HTR1F: variants seen among roughly 807,000 people sequenced by gnomAD.
HTR1F encodes 5-hydroxytryptamine receptor 1F, also known as 5-hydroxytryptamine (serotonin) receptor 1F, G protein-coupled.
Under a neutral mutation model 24.0 loss-of-function variants are expected in HTR1F, and 17 were observed. The observed-to-expected ratio is 0.71, with a 90% CI of 0.48 to 1.06. The LOEUF (loss-of-function observed/expected upper bound fraction) is 1.06, where lower values mean the gene tolerates loss of function less well. HTR1F is among the 50% of genes least tolerant of loss of function. The pLI, the probability that HTR1F is intolerant of heterozygous loss-of-function variation, is 0.00. For synonymous variants in HTR1F, 186 were observed against 156.8 expected, an observed-to-expected ratio of 1.19 and a Z score of -1.39; for missense variants, 391 against 427.8, an observed-to-expected ratio of 0.91 and a Z score of 0.76.
At chr3:87,964,876 G>A (rs1257011230) in intron 2 of HTR1F, among the ~76,000 whole-genome samples, 2 of 152,118 alleles carry the variant, frequency 1.3e-5, no homozygotes, top group African/African-American at 2.4e-5. Flanking sequence ...CTTGTAGGAG[G>A]CAATTGAATC....
intron 2 of HTR1F, among the ~76,000 whole-genome samples, chr3:87,938,315 C>G (rs1360629764): frequency 6.6e-6 from 1 of 152,148 alleles, no homozygotes; most frequent in African/African-American, 2.4e-5. Context: ...AAAAACATTC[C>G]ACGCTCATGG....
intron 2 of HTR1F, among the ~76,000 whole-genome samples, chr3:87,882,017 AAAAC>A (rs779085181): frequency 1.1e-4 from 17 of 152,220 alleles, no homozygotes; most frequent in East Asian, 3.8e-4. Flanking sequence ...TTACAAGAAA[AAAAC>A]AAACAACCCC....
chr3:87,850,768 G>A (rs150574465), intron 2 of HTR1F, among the ~76,000 whole-genome samples: 2 of 150,624 alleles, frequency 1.3e-5, no homozygotes, highest in East Asian at 1.9e-4. Flanking sequence ...CATGAAAATG[G>A]CATATATAAA....
At chr3:87,829,791 C>T (rs1704538597) in intron 2 of HTR1F, among the ~76,000 whole-genome samples, 1 of 152,092 alleles carries the variant, frequency 6.6e-6, no homozygotes, top group Admixed American at 6.5e-5. Flanking sequence ...AAATAAAAAA[C>T]ATAATTTATT....
intron 2 of HTR1F, among the ~76,000 whole-genome samples, chr3:87,987,784 T>A (rs1432273231): frequency 2.9e-5 from 4 of 138,336 alleles, no homozygotes; most frequent in East Asian, 2.0e-4. Flanking sequence ...TATATGTATT[T>A]TATATATATA....
At chr3:87,970,213 C>A (rs909660757) in intron 2 of HTR1F, among the ~76,000 whole-genome samples, 1 of 152,088 alleles carries the variant, frequency 6.6e-6, no homozygotes, top group Non-Finnish European at 1.5e-5. Flanking sequence ...GTTAATTAAC[C>A]AAGTGGTTAT....
chr3:87,940,703 C>A (rs1268782625), intron 2 of HTR1F, among the ~76,000 whole-genome samples: 1 of 152,152 alleles, frequency 6.6e-6, no homozygotes, highest in Non-Finnish European at 1.5e-5. Context: ...AAGCTGGAGG[C>A]ATCATGCTAC....
chr3:87,865,971 T>C (rs1317163978), intron 2 of HTR1F, among the ~76,000 whole-genome samples: 1 of 152,012 alleles, frequency 6.6e-6, no homozygotes, highest in African/African-American at 2.4e-5. Flanking sequence ...TGAATGAGGG[T>C]TTCATTTGCT....
At chr3:87,819,743 T>C (rs1220713238) in intron 1 of HTR1F, among the ~76,000 whole-genome samples, 3 of 152,038 alleles carry the variant, frequency 2.0e-5, no homozygotes, top group African/African-American at 7.2e-5. Context: ...TTAAAATGCA[T>C]ATAAGATAAA....
chr3:87,806,323 C>T (rs1906912), intron 1 of HTR1F, among the ~76,000 whole-genome samples: 10,249 of 152,006 alleles, frequency 0.067, 1,114 homozygotes, highest in African/African-American at 0.23. Flanking sequence ...ATACTGTTTT[C>T]CATAGTGGCT....
In HTR1F at chr3:87,919,404, G is replaced by A. The variant is rs527278994; in HGVS notation, c.-42-71304G>A. On this transcript the variant is annotated intron_variant, in intron 2 of 2. Transcript: ENST00000319595. ...TAATTAAACTAAAGAGCTTTTGCAC[G>A]GCAAAAGGAATAGTCAGCAGAGTTA... Among the ~76,000 whole-genome samples, 385 of 151,936 alleles carry A rather than the reference G, an allele frequency of 2.5e-3. 2 individuals are homozygous for A. Among genetic ancestry groups the A allele is most frequent in the African/African-American group, 8.7e-3 (361 of 41,484 alleles).
intron 2 of HTR1F, among the ~76,000 whole-genome samples, chr3:87,923,750 A>G (rs941632782): frequency 2.0e-5 from 3 of 151,910 alleles, no homozygotes; most frequent in African/African-American, 4.8e-5. Context: ...ATCTGTTGAG[A>G]AGATTTATTT....
At chr3:87,833,450 G>A (rs114378223) in intron 2 of HTR1F, among the ~76,000 whole-genome samples, 172 of 152,062 alleles carry the variant, frequency 1.1e-3, no homozygotes, top group African/African-American at 4.0e-3. Context: ...TGGAACCAGG[G>A]AAACAGTATA....
chr3:87,974,246 C>T (rs372292892), intron 2 of HTR1F, among the ~76,000 whole-genome samples: 2 of 152,332 alleles, frequency 1.3e-5, no homozygotes, highest in East Asian at 3.9e-4. Context: ...CTATATTATT[C>T]ATCATGCTGA....
At chr3:87,840,291 A>G (rs1704773307) in intron 2 of HTR1F, among the ~76,000 whole-genome samples, 1 of 152,138 alleles carries the variant, frequency 6.6e-6, no homozygotes, top group Non-Finnish European at 1.5e-5. Flanking sequence ...AATATTTTCT[A>G]TAGAAGTCAT....
At chr3:87,982,438 AT>A (rs1705565217) in intron 2 of HTR1F, among the ~76,000 whole-genome samples, 1 of 152,166 alleles carries the variant, frequency 6.6e-6, no homozygotes, top group Non-Finnish European at 1.5e-5. Context: ...TGTCAATCCG[AT>A]TCATAGGGAG....
At chr3:87,959,618 T>G (rs1323467348) in intron 2 of HTR1F, among the ~76,000 whole-genome samples, 4 of 151,922 alleles carry the variant, frequency 2.6e-5, no homozygotes, top group Non-Finnish European at 5.9e-5. Context: ...ACAATGTCAA[T>G]ATCAGAGAGA....
At chr3:87,894,559 C>CTTTTTTTTTT (rs35190252) in intron 2 of HTR1F, among the ~76,000 whole-genome samples, 1 of 74,662 alleles carries the variant, frequency 1.3e-5, no homozygotes, top group Non-Finnish European at 2.4e-5. Flanking sequence ...TGCCCAGCCT[C>CTTTTTTTTTT]TTTTTTTTTT....
At chr3:87,822,618 T>C (rs1306573477) in intron 2 of HTR1F, among the ~76,000 whole-genome samples, 1 of 152,204 alleles carries the variant, frequency 6.6e-6, no homozygotes, top group Non-Finnish European at 1.5e-5. Context: ...TACATCTCCA[T>C]GTTTCAGAGT....
Sources: allele counts gnomAD v4.1 joint callset (sites outside exome capture counted in the v4.1 genomes callset), GRCh38; gene constraint gnomAD v4.1.1; transcripts MANE v1.5; gene names NCBI Gene and HGNC (gene_info 2026-07-23, HGNC 2026-07-21).